Variants in FGD4 observed in about 807,000 individuals in gnomAD.
FGD4 encodes FYVE, RhoGEF and PH domain containing 4.
Under a neutral mutation model 102.0 loss-of-function variants are expected in FGD4, and 42 were observed. The observed-to-expected ratio is 0.41, with a 90% CI of 0.32 to 0.53. FGD4 has a LOEUF of 0.53. Among genes scored for constraint, FGD4 ranks in the 20% least tolerant of loss-of-function variants. The pLI is 0.21. For missense variants in FGD4, 902 were observed against 1,078.2 expected, an observed-to-expected ratio of 0.84 and a Z score of 2.29; for synonymous variants, 380 against 375.7, an observed-to-expected ratio of 1.01 and a Z score of -0.13.
rs1951192850 is a variant in FGD4 at position 32,642,340 on chromosome 12, A to G, written c.*1807A>G. On this transcript the variant is annotated 3_prime_UTR_variant, in exon 17 of 17. Transcript: ENST00000534526. ...TATACTCAGAGTGGTTTTTTGGAAA[A>G]TTAAACTGTAGCTATAGATGATGCT... 6.6e-6 allele frequency: 1 copy of G among 152,106 alleles called. No homozygotes were observed. The highest frequency in any genetic ancestry group is 2.4e-5 in the African/African-American group (1 of 41,444). 9.4% of individuals were successfully genotyped at this position (152,106 alleles called of 1,614,324 possible). A position where few individuals can be genotyped will look rare whatever the true frequency, so the allele number is the denominator to read the frequency against.
At chr12:32,566,890 G>T (rs1421237004) in intron 2 of FGD4, among the ~76,000 whole-genome samples, 1 of 152,200 alleles carries the variant, frequency 6.6e-6, no homozygotes, top group East Asian at 1.9e-4. Context: ...GTCACTATGT[G>T]TGTGGTCCTA....
Position 32,589,410 on chromosome 12 carries a change from C to G in FGD4, c.1011+6943C>G, listed in dbSNP as rs186578358. 2.0e-5 allele frequency among the ~76,000 whole-genome samples: 3 copies of G among 152,246 alleles called. No homozygotes were observed. The East Asian group carries it at 5.8e-4, about 29-fold the overall frequency. The stretch of plus-strand genomic sequence containing the variant: ...CCTGCCTGAGGACTGTTGGTTATTA[C>G]CACATGATGTACTCTCATTAGTGTA... On this transcript the variant is annotated intron_variant, in intron 4 of 16. Coordinates refer to ENST00000534526, the MANE Select transcript of FGD4 (RefSeq NM_001370298.3).
intron 1 of FGD4, among the ~76,000 whole-genome samples, chr12:32,450,786 T>G (rs1379014061): frequency 1.3e-5 from 2 of 152,236 alleles, no homozygotes; most frequent in African/African-American, 4.8e-5. Context: ...CTTCTGATCT[T>G]ACCACAGGAT....
At chr12:32,442,924 T>G (rs1041055060) in intron 1 of FGD4, among the ~76,000 whole-genome samples, 1 of 152,178 alleles carries the variant, frequency 6.6e-6, no homozygotes, top group Non-Finnish European at 1.5e-5. Flanking sequence ...TTAATTTGTG[T>G]TTCTCTGATT....
chr12:32,568,975 A>ACTG (rs1479290445), intron 2 of FGD4, among the ~76,000 whole-genome samples: 1 of 152,178 alleles, frequency 6.6e-6, no homozygotes, highest in African/African-American at 2.4e-5. Flanking sequence ...ATGAAACTGA[A>ACTG]CTGCTAACTG....
chr12:32,492,955 C>G (rs1194343628), intron 1 of FGD4, among the ~76,000 whole-genome samples: 1 of 152,182 alleles, frequency 6.6e-6, no homozygotes, highest in East Asian at 1.9e-4. Context: ...GTGGAACAGC[C>G]TCTAAGAGAA....
chr12:32,625,776 A>G lies in FGD4; in HGVS notation c.2169A>G (p.Gly723=). 6.2e-7 allele frequency: 1 copy of G among 1,613,998 alleles called. No homozygotes were observed. The highest frequency in any genetic ancestry group is 8.5e-7 in the Non-Finnish European group (1 of 1,179,948). The change falls in exon 14 of 17, where the codon GGA becomes GGG. Residue 723 remains glycine (G), a synonymous_variant. Transcript: ENST00000534526. ...GGAGGCATCATTGTCGAGCATGTGGATATGTAAGTGAGATTTCTTGATCAT... is the reference window on the plus strand; with the variant it reads ...GGAGGCATCATTGTCGAGCATGTGGGTATGTAAGTGAGATTTCTTGATCAT... ...TRRRHHCRAC[G]YVVCWKCSDY...
chr12:32,578,323 G>GAAT, intron 3 of FGD4, among the ~76,000 whole-genome samples: 1 of 152,286 alleles, frequency 6.6e-6, no homozygotes, highest in South Asian at 2.1e-4. Flanking sequence ...ATACTGCATT[G>GAAT]GATCTATAGG....
In FGD4 at chr12:32,537,061, A is replaced by C. The variant is rs531215434; in HGVS notation, c.167-27076A>C. 1.5e-4 allele frequency among the ~76,000 whole-genome samples: 23 copies of C among 151,912 alleles called. No homozygotes were observed. The East Asian group carries it at 4.5e-3, about 30-fold the overall frequency. ...GTAGCTGGGACTACAGGCACCCGCC[A>C]CCATGCCCGGCTAATTTTTTGCATT... is the stretch of plus-strand genomic sequence containing the variant. On this transcript the variant is annotated intron_variant, in intron 1 of 16. Coordinates refer to ENST00000534526, the MANE Select transcript of FGD4 (RefSeq NM_001370298.3).
At chr12:32,534,772 T>C (rs535103408) in intron 1 of FGD4, among the ~76,000 whole-genome samples, 1 of 152,296 alleles carries the variant, frequency 6.6e-6, no homozygotes, top group South Asian at 2.1e-4. Context: ...AGTTTGGAAA[T>C]TTGGTCATTG....
At chr12:32,607,372 A>G (rs945856079) in intron 7 of FGD4, among the ~76,000 whole-genome samples, 1 of 152,216 alleles carries the variant, frequency 6.6e-6, no homozygotes, top group Non-Finnish European at 1.5e-5. Flanking sequence ...CAGAGGTTGC[A>G]GTGAGATCAC....
At chr12:32,465,843 G>A (rs1424872082) in intron 1 of FGD4, among the ~76,000 whole-genome samples, 2 of 152,130 alleles carry the variant, frequency 1.3e-5, no homozygotes, top group African/African-American at 4.8e-5. Flanking sequence ...CAGTGGTGCA[G>A]TCACTGGTCA....
intron 1 of FGD4, among the ~76,000 whole-genome samples, chr12:32,432,185 C>T (rs940278468): frequency 1.3e-5 from 2 of 151,520 alleles, no homozygotes; most frequent in African/African-American, 4.8e-5. Flanking sequence ...TCAGTCTCCC[C>T]AGCAGCTGGG....
intron 1 of FGD4, among the ~76,000 whole-genome samples, chr12:32,526,566 C>G (rs1193945446): frequency 6.6e-6 from 1 of 152,210 alleles, no homozygotes; most frequent in African/African-American, 2.4e-5. Flanking sequence ...TACCAATCAG[C>G]AGGATGTGGG....
rs1204377699 is a variant in FGD4, at chr12:32,402,835, A to T, written c.166+2876A>T. 2.6e-5 allele frequency among the ~76,000 whole-genome samples: 4 copies of T among 152,236 alleles called. No individual in the cohort carries two copies. The East Asian group carries it at 7.7e-4, about 29-fold the overall frequency. ...AGGAGAATGATCTAGTGTTTTGAGA[A>T]GTAGTCTCAAACTACTGGATGACCA... On this transcript the variant is annotated intron_variant, in intron 1 of 16. Coordinates refer to ENST00000534526, the MANE Select transcript of FGD4 (RefSeq NM_001370298.3).
chr12:32,452,982 T>A (rs1942823115), intron 1 of FGD4, among the ~76,000 whole-genome samples: 1 of 151,710 alleles, frequency 6.6e-6, no homozygotes, highest in Non-Finnish European at 1.5e-5. Context: ...AGTGAGATTC[T>A]GTCTCAAAAA....
In FGD4 at chr12:32,462,899, A is replaced by G. The variant is rs1591949198; in HGVS notation, c.166+62940A>G. ...AGAAAATGCAGTGTAAGTACTGTACATCATGGCAAATATTCTTGCTAAAAC... is the reference window on the plus strand; with the variant it reads ...AGAAAATGCAGTGTAAGTACTGTACGTCATGGCAAATATTCTTGCTAAAAC... On this transcript the variant is annotated intron_variant, in intron 1 of 16. Coordinates refer to ENST00000534526, the MANE Select transcript of FGD4 (RefSeq NM_001370298.3). Among the ~76,000 whole-genome samples, 6 of 152,370 alleles carry G rather than the reference A, an allele frequency of 3.9e-5. No individual in the cohort carries two copies. The South Asian group carries it at 1.2e-3, about 32-fold the overall frequency.
At chr12:32,632,140 G>A (rs888448509) in intron 14 of FGD4, among the ~76,000 whole-genome samples, 10 of 152,100 alleles carry the variant, frequency 6.6e-5, no homozygotes, top group African/African-American at 2.4e-4. Flanking sequence ...TATAAACTGA[G>A]GGGGAAATAC....
chr12:32,564,333 A>G (rs1565847717), intron 2 of FGD4, 44 bp downstream of exon 2: 1 of 1,525,704 alleles, frequency 6.6e-7, no homozygotes, highest in South Asian at 1.2e-5. Flanking sequence ...TACGTTGTTG[A>G]TCAATGAAGG....
Sources: allele counts gnomAD v4.1 joint callset (sites outside exome capture counted in the v4.1 genomes callset), GRCh38; gene constraint gnomAD v4.1.1; transcripts MANE v1.5; gene names NCBI Gene and HGNC (gene_info 2026-07-23, HGNC 2026-07-21).